The following SLC35F2 variants were observed in gnomAD, a reference collection of about 807,000 sequenced individuals.
SLC35F2 encodes queuine/queuosine transporter SLC35F2.
Under a neutral mutation model 38.1 loss-of-function variants are expected in SLC35F2, and 25 were observed. The observed-to-expected ratio is 0.66, with a 90% CI of 0.48 to 0.92. The LOEUF (loss-of-function observed/expected upper bound fraction) is 0.92. Among genes scored for constraint, SLC35F2 ranks in the 40% least tolerant of loss-of-function variants. SLC35F2 has a pLI of 0.00. For missense variants in SLC35F2, 409 were observed against 452.9 expected (o/e 0.90, Z 0.88); for synonymous variants, 173 against 181.7 (o/e 0.95, Z 0.38).
chr11:107,809,804 G>A, intron 3 of SLC35F2: 2 of 985,194 alleles, frequency 2.0e-6, no homozygotes, highest in Non-Finnish European at 1.2e-6. Flanking sequence ...ATAGAGTATA[G>A]AAGAGAAAAT....
intron 1 of SLC35F2, among the ~76,000 whole-genome samples, chr11:107,830,135 T>C (rs1859815314): frequency 6.6e-6 from 1 of 152,112 alleles, no homozygotes; most frequent in Admixed American, 6.6e-5. Flanking sequence ...TAAAAACTCA[T>C]TGTGATATTT....
chr11:107,804,485 T>A (rs1168914978), intron 6 of SLC35F2, among the ~76,000 whole-genome samples: 1 of 152,206 alleles, frequency 6.6e-6, no homozygotes, highest in Admixed American at 6.5e-5. Context: ...TTGTTCAGGA[T>A]TCCTAGTAAC....
intron 7 of SLC35F2, among the ~76,000 whole-genome samples, chr11:107,801,196 T>G (rs1375731380): frequency 1.3e-5 from 2 of 151,518 alleles, no homozygotes; most frequent in African/African-American, 2.4e-5. Context: ...TGTAAGCCAT[T>G]GCACCTGGCC....
rs78998430 is a variant in SLC35F2, at chr11:107,841,263, C to T, written c.110+17395G>A. Among the ~76,000 whole-genome samples, 104 of 152,216 alleles carry T rather than the reference C, an allele frequency of 6.8e-4. No homozygotes were observed. In the East Asian group the frequency reaches 0.018, roughly 27 times the overall value. On this transcript the variant is annotated intron_variant, in intron 1 of 7. Coordinates refer to ENST00000525815, the MANE Select transcript of SLC35F2 (RefSeq NM_017515.5). ...TATTTCACAGAACAGCAGCACTTCA[C>T]AGAAGTACACTAAGGCCGGCCGGGT...
chr11:107,819,600 T>A (rs1859638562), intron 1 of SLC35F2, among the ~76,000 whole-genome samples: 1 of 152,174 alleles, frequency 6.6e-6, no homozygotes, highest in African/African-American at 2.4e-5. Context: ...CAAAGGAAAT[T>A]CACCACTTAG....
intron 2 of SLC35F2, among the ~76,000 whole-genome samples, chr11:107,812,479 C>A (rs1241956329): frequency 1.3e-5 from 2 of 151,886 alleles, no homozygotes; most frequent in Non-Finnish European, 2.9e-5. Context: ...GATTTCAAGA[C>A]CAGCTGGGCT....
Position 107,821,456 on chromosome 11 carries a change from A to G in SLC35F2, c.111-5491T>C, listed in dbSNP as rs184483247. On this transcript the variant is annotated intron_variant, in intron 1 of 7. Transcript: ENST00000525815. Reference sequence around the variant, plus strand: ...AGTAGGAGAGCAAGAGTGAGAGAGAAAAGCTGGCGGGGAGGGGGTAGGAAA... The same window carrying G: ...AGTAGGAGAGCAAGAGTGAGAGAGAGAAGCTGGCGGGGAGGGGGTAGGAAA... The G allele has an allele frequency of 4.8e-4, 477 of 985,396 alleles. 3 individuals carry two copies. Among genetic ancestry groups the G allele is most frequent in the East Asian group, 1.1e-3 (10 of 8,808 alleles). The allele number at this position is 985,396 out of a possible 1,614,324, so 61.0% of individuals were successfully genotyped here. A position where few individuals can be genotyped will look rare whatever the true frequency, so the allele number is the denominator to read the frequency against.
Position 107,830,061 on chromosome 11 carries a change from AGACCAGCCTGGG to A in SLC35F2, c.111-14108_111-14097del, listed in dbSNP as rs1226314750. Among the ~76,000 whole-genome samples the A allele has an allele frequency of 3.9e-5, 6 of 152,252 alleles. No homozygotes were observed. The East Asian group carries it at 9.6e-4, about 24-fold the overall frequency. ...AGGATCACCTAAGGCCACAAGTTGG[AGACCAGCCTGGG>A]CAAAATAGCAAGACCTCATCTCTAT... On this transcript the variant is annotated intron_variant, in intron 1 of 7. Transcript: ENST00000525815.
chr11:107,796,436 C>T lies in SLC35F2; in HGVS notation c.940-3636G>A, dbSNP rs1859218644. On this transcript the variant is annotated intron_variant, in intron 7 of 7. Transcript: ENST00000525815. ...TATGATATATAAACACAATGGGATA[C>T]TATTCAGCCACAAAAAAATGAAATC... Among the ~76,000 whole-genome samples, 3 of 152,138 alleles carry T rather than the reference C, an allele frequency of 2.0e-5. No individual in the cohort carries two copies. In the South Asian group the frequency reaches 6.2e-4, roughly 32 times the overall value.
At chr11:107,821,413 C>A (rs1859670236) in intron 1 of SLC35F2, 1 of 985,018 alleles carries the variant, frequency 1.0e-6, no homozygotes, top group Non-Finnish European at 1.2e-6. Flanking sequence ...ATCATAATGA[C>A]CTCATCTATA....
In SLC35F2 at chr11:107,858,787, C is replaced by G. The variant is rs1403535816; in HGVS notation, c.-20G>C. Reference sequence around the variant, plus strand: ...CTCCATCGGCGCCCTTGCGCGTCTCCGGCGCCCAAAACCCCCGAAGTGCCG... The same window carrying G: ...CTCCATCGGCGCCCTTGCGCGTCTCGGGCGCCCAAAACCCCCGAAGTGCCG... On this transcript the variant is annotated 5_prime_UTR_variant, in exon 1 of 8. Transcript: ENST00000525815. The G allele has an allele frequency of 2.2e-5, 28 of 1,250,770 alleles. No homozygotes were observed. The highest frequency in any genetic ancestry group is 2.5e-5 in the Non-Finnish European group (25 of 989,936). 77.5% of individuals were successfully genotyped at this position (1,250,770 alleles called of 1,614,324 possible).
At chr11:107,794,033 G>A (rs1433429835) in intron 7 of SLC35F2, among the ~76,000 whole-genome samples, 2 of 150,644 alleles carry the variant, frequency 1.3e-5, no homozygotes, top group Non-Finnish European at 2.9e-5. Flanking sequence ...CTCTTGAGTT[G>A]AAAATCCATA....
chr11:107,841,246 A>G (rs952412652), intron 1 of SLC35F2, among the ~76,000 whole-genome samples: 2 of 152,236 alleles, frequency 1.3e-5, no homozygotes, highest in Admixed American at 1.3e-4. Flanking sequence ...GGTATTTCAC[A>G]GAACAGCAGC....
At chr11:107,820,828 C>T (rs914581216) in intron 1 of SLC35F2, among the ~76,000 whole-genome samples, 6 of 152,120 alleles carry the variant, frequency 3.9e-5, no homozygotes, top group South Asian at 2.1e-4. Context: ...TAGTGGCAGG[C>T]GCCTGTAATC....
rs551874715 is a variant in SLC35F2 at position 107,816,841 on chromosome 11, T to C, written c.111-876A>G. Reference sequence around the variant, plus strand: ...GGCAGCTTGGAGCTGGAAGAAAGGATTGGATTGGAGAAATAAACTTGAGAA... The same window carrying C: ...GGCAGCTTGGAGCTGGAAGAAAGGACTGGATTGGAGAAATAAACTTGAGAA... On this transcript the variant is annotated intron_variant, in intron 1 of 7. Transcript: ENST00000525815. Among the ~76,000 whole-genome samples, 4 of 152,046 alleles carry C rather than the reference T, an allele frequency of 2.6e-5. No individual in the cohort carries two copies. In the East Asian group the frequency reaches 5.8e-4, roughly 22 times the overall value.
At chr11:107,809,673 T>C (rs1429797221) in intron 3 of SLC35F2, 1 of 982,626 alleles carries the variant, frequency 1.0e-6, no homozygotes, top group Non-Finnish European at 1.2e-6. Context: ...GTCTTCTCTG[T>C]TTCAGTTCGA....
chr11:107,820,725 G>A (rs187441998), intron 1 of SLC35F2, among the ~76,000 whole-genome samples: 8 of 152,274 alleles, frequency 5.3e-5, no homozygotes, highest in African/African-American at 1.7e-4. Context: ...CAAGGCTGAG[G>A]CGGGCGGATC....
At chr11:107,815,389 TAAAA>T (rs1555083773) in intron 2 of SLC35F2, among the ~76,000 whole-genome samples, 1 of 95,380 alleles carries the variant, frequency 1.0e-5, no homozygotes. Flanking sequence ...ATCTCTAAAA[TAAAA>T]AAAAAAAAAA....
At chr11:107,851,060 C>T (rs1346027289) in intron 1 of SLC35F2, among the ~76,000 whole-genome samples, 6 of 151,818 alleles carry the variant, frequency 4.0e-5, no homozygotes, top group South Asian at 2.1e-4. Context: ...GTCAGGAGTT[C>T]GAGACCAGCC....
Sources: allele counts gnomAD v4.1 joint callset (sites outside exome capture counted in the v4.1 genomes callset), GRCh38; gene constraint gnomAD v4.1.1; transcripts MANE v1.5; gene names NCBI Gene and HGNC (gene_info 2026-07-23, HGNC 2026-07-21).